SPI1: variants seen among roughly 807,000 people sequenced by gnomAD.
SPI1 encodes the protein Spi-1 proto-oncogene.
SPI1 carries 3 observed loss-of-function variants against 30.7 expected under a neutral mutation model. That is an observed-to-expected ratio of 0.10 (90% CI 0.04 to 0.25). The LOEUF (loss-of-function observed/expected upper bound fraction) is 0.25, where lower values mean the gene tolerates loss of function less well. Among genes scored for constraint, SPI1 ranks in the 10% least tolerant of loss-of-function variants. SPI1 has a pLI of 1.00. For missense variants in SPI1, 261 were observed against 371.5 expected (o/e 0.70, Z 2.45); for synonymous variants, 169 against 157.1 (o/e 1.08, Z -0.56).
At chr11:47,373,804 G>C (rs187081899) in intron 2 of SPI1, among the ~76,000 whole-genome samples, 103 of 152,264 alleles carry the variant, frequency 6.8e-4, no homozygotes, top group African/African-American at 2.5e-3. Flanking sequence ...ATCCAATCAG[G>C]AGTCATTCCT....
At chr11:47,378,190 C>T in intron 1 of SPI1, 119 bp downstream of exon 1, 1 of 1,106,842 alleles carries the variant, frequency 9.0e-7, no homozygotes, top group Non-Finnish European at 1.3e-6. Context: ...AGGGAGGAAA[C>T]CCTGACTTCC....
intron 2 of SPI1, among the ~76,000 whole-genome samples, chr11:47,371,628 C>G (rs2095936146): frequency 6.7e-6 from 1 of 148,656 alleles, no homozygotes. Context: ...GATCACACCA[C>G]TGCACTCCAG....
intron 2 of SPI1, 48 bp from the exon 3 acceptor site, chr11:47,360,088 G>A (rs762432821): frequency 3.5e-6 from 5 of 1,431,254 alleles, no homozygotes; most frequent in Admixed American, 2.4e-5. Context: ...GGTTGGGCAG[G>A]GCAGGAAAAG....
intron 2 of SPI1, among the ~76,000 whole-genome samples, chr11:47,361,575 C>T (rs1293469498): frequency 6.6e-6 from 1 of 152,130 alleles, no homozygotes; most frequent in Non-Finnish European, 1.5e-5. Context: ...CAAAATGAAG[C>T]GTGGTAATAA....
rs1595856978 is a variant in SPI1, at chr11:47,359,107, A to G, written c.331-101T>C. The G allele has an allele frequency of 8.9e-7, 1 of 1,124,576 alleles. No individual in the cohort carries two copies. Among genetic ancestry groups the G allele is most frequent in the Non-Finnish European group, 1.2e-6 (1 of 800,184 alleles). The allele number at this position is 1,124,576 out of a possible 1,614,324, so 69.7% of individuals were successfully genotyped here. On this transcript the variant is annotated intron_variant, in intron 3 of 4. Transcript: ENST00000378538. The surrounding 1 kb of genome is among the most constrained non-coding windows in gnomAD (Gnocchi z 5.1). Reference sequence around the variant, plus strand: ...TGGGGAGAGAAGGAGTGCAGAGGGCAGGGGACAATGGCAGGCACAGGAGAC... The same window carrying G: ...TGGGGAGAGAAGGAGTGCAGAGGGCGGGGGACAATGGCAGGCACAGGAGAC...
chr11:47,378,173 G>T, intron 1 of SPI1, 136 bp downstream of exon 1: 1 of 938,822 alleles, frequency 1.1e-6, no homozygotes, highest in African/African-American at 1.6e-5. Context: ...CTCAGGCCAG[G>T]AGTTCCAGGG....
At chr11:47,370,559 G>T (rs530402379) in intron 2 of SPI1, among the ~76,000 whole-genome samples, 6 of 152,032 alleles carry the variant, frequency 3.9e-5, no homozygotes, top group African/African-American at 1.4e-4. Flanking sequence ...AAAATTAGCT[G>T]GGCGTGGTGG....
chr11:47,365,958 G>C (rs548219132), intron 2 of SPI1, among the ~76,000 whole-genome samples: 1 of 152,304 alleles, frequency 6.6e-6, no homozygotes, highest in East Asian at 1.9e-4. Context: ...GCCTTCCAAA[G>C]TGCTGGGATT....
chr11:47,366,610 G>T (rs564647148), intron 2 of SPI1, among the ~76,000 whole-genome samples: 9 of 152,190 alleles, frequency 5.9e-5, no homozygotes, highest in African/African-American at 1.9e-4. Flanking sequence ...CTGACATCAG[G>T]AGTTCAAGAT....
Position 47,378,494 on chromosome 11 carries a change from C to A in SPI1, c.-141G>T. ...GGCCTGCCCCCTGAGCTACAGGAGC[C>A]CTGGGTGAGCCCCCTCCCTTGACAT... On this transcript the variant is annotated 5_prime_UTR_variant, in exon 1 of 5. Coordinates refer to ENST00000378538, the MANE Select transcript of SPI1 (RefSeq NM_003120.3). 1.3e-6 allele frequency: 1 copy of A among 796,326 alleles called. No homozygotes were observed. Among genetic ancestry groups the A allele is most frequent in the Non-Finnish European group, 2.0e-6 (1 of 494,162 alleles). 49.3% of individuals were successfully genotyped at this position (796,326 alleles called of 1,614,324 possible).
chr11:47,358,984 C>T lies in SPI1; in HGVS notation c.353G>A (p.Cys118Tyr). Reference protein sequence around the residue: ...GHQVSYLPRMCLQYPSLSPAQ... With the variant: ...GHQVSYLPRMYLQYPSLSPAQ... ...TGGGGACAGGGATGGGTACTGGAGG[C>T]ACATCCGGGGCAGGTAGGAGACCTG... Residue 118 changes from cysteine (C) to tyrosine (Y), a missense_variant, in exon 4 of 5, where the codon TGC (cysteine) becomes TAC (tyrosine). Cys to Tyr is a radical substitution (Grantham distance 194). Coordinates refer to ENST00000378538, the MANE Select transcript of SPI1 (RefSeq NM_003120.3). The T allele has an allele frequency of 1.3e-6, 2 of 1,534,926 alleles. No homozygotes were observed. Among genetic ancestry groups the T allele is most frequent in the Non-Finnish European group, 1.8e-6 (2 of 1,141,262 alleles).
At chr11:47,365,328 A>G (rs2095926715) in intron 2 of SPI1, among the ~76,000 whole-genome samples, 1 of 152,150 alleles carries the variant, frequency 6.6e-6, no homozygotes, top group South Asian at 2.1e-4. Context: ...CCTCATTTCT[A>G]CAGACCGGTA....
intron 2 of SPI1, among the ~76,000 whole-genome samples, chr11:47,363,684 C>T (rs1167029769): frequency 1.3e-5 from 2 of 151,958 alleles, no homozygotes. Context: ...CCTCTCAGGC[C>T]GGGCATGGTG....
rs1476364270 is a variant in SPI1 at position 47,374,116 on chromosome 11, G to A, written c.142+1517C>T. Among the ~76,000 whole-genome samples the A allele has an allele frequency of 3.3e-5, 5 of 152,140 alleles. No individual in the cohort carries two copies. The highest frequency in any genetic ancestry group is 1.5e-5 in the Non-Finnish European group (1 of 68,014). ...GGGGGCGCCTGTCCCAGGGCCCAGC[G>A]GGACCTCCTGGAGTCCTGGAACCGC... On this transcript the variant is annotated intron_variant, in intron 2 of 4. Transcript: ENST00000378538. The surrounding 1 kb of genome is among the most constrained non-coding windows in gnomAD (Gnocchi z 4.5).
At chr11:47,369,866 T>A (rs2095933347) in intron 2 of SPI1, among the ~76,000 whole-genome samples, 1 of 152,238 alleles carries the variant, frequency 6.6e-6, no homozygotes, top group South Asian at 2.1e-4. Context: ...ACGACCATGA[T>A]AACAAATCTG....
intron 4 of SPI1, chr11:47,358,202 C>T (rs1283052900): frequency 3.7e-6 from 1 of 273,312 alleles, no homozygotes; most frequent in Non-Finnish European, 7.2e-6. Context: ...CCCATTCACA[C>T]ACACTTATAT....
intron 2 of SPI1, among the ~76,000 whole-genome samples, chr11:47,373,749 C>G (rs1439911188): frequency 1.3e-5 from 2 of 152,082 alleles, no homozygotes; most frequent in Non-Finnish European, 2.9e-5. Context: ...CTGGTGGAGT[C>G]TCTGGAGGAA....
At chr11:47,371,943 C>T (rs79513206) in intron 2 of SPI1, among the ~76,000 whole-genome samples, 15,722 of 152,152 alleles carry the variant, frequency 0.1, 952 homozygotes, top group Non-Finnish European at 0.14. Context: ...GTTCCCTTTA[C>T]CTTGAATACC....
chr11:47,358,505 C>A, intron 4 of SPI1: 1 of 661,594 alleles, frequency 1.5e-6, no homozygotes. Context: ...CTCACACACC[C>A]ACTCACACAG....
Sources: gnomAD v4.1 joint callset for allele counts (sites outside exome capture counted in the v4.1 genomes callset) on GRCh38, gnomAD v4.1.1 for gene constraint, Gnocchi (gnomAD v3.1) non-coding constraint, MANE v1.5 for transcripts, NCBI Gene and HGNC (gene_info 2026-07-23, HGNC 2026-07-21) for gene names.